The following ATF7IP2 variants were observed in gnomAD, a reference collection of about 807,000 sequenced individuals.
ATF7IP2 encodes the protein activating transcription factor 7-interacting protein 2.
ATF7IP2 carries 42 observed loss-of-function variants against 64.2 expected under a neutral mutation model. That is an observed-to-expected ratio of 0.65 (90% CI 0.51 to 0.85). ATF7IP2 has a LOEUF of 0.85. Ranked by LOEUF, ATF7IP2 falls within the 40% of genes least tolerant of loss-of-function variation. ATF7IP2 has a pLI of 0.00. For missense variants in ATF7IP2, 933 were observed against 784.2 expected (o/e 1.19, Z -2.27); for synonymous variants, 308 against 272.8 (o/e 1.13, Z -1.27).
At position 10,433,588 on chromosome 16, in the gene ATF7IP2, C is replaced by T. The variant is rs867732781; in HGVS notation, c.899C>T (p.Ser300Leu). 2 of 1,613,382 alleles carry T rather than the reference C, an allele frequency of 1.2e-6. No individual in the cohort carries two copies. The highest frequency in any genetic ancestry group is 1.1e-5 in the South Asian group (1 of 91,048). ...NEENVKRMKT[S>L]EQINENICVS... ...GAAAATGTTAAACGCATGAAAACTT[C>T]AGAGCAAATTAATGAAAATATTTGT... is the stretch of plus-strand genomic sequence containing the variant. Residue 300 changes from serine (S) to leucine (L), a missense_variant, in exon 6 of 14, where the codon TCA (serine) becomes TTA (leucine). By Grantham distance (145) the Ser-to-Leu change is moderately radical. Coordinates refer to ENST00000562102, the MANE Select transcript of ATF7IP2 (RefSeq NM_001393719.1).
At chr16:10,466,684 A>G (rs1009288908) in intron 9 of ATF7IP2, among the ~76,000 whole-genome samples, 2 of 151,966 alleles carry the variant, frequency 1.3e-5, no homozygotes, top group Admixed American at 1.3e-4. Context: ...TGTCTTTTCA[A>G]TTTTTTTGAC....
At chr16:10,471,371 T>C (rs942085593) in intron 9 of ATF7IP2, among the ~76,000 whole-genome samples, 1 of 151,934 alleles carries the variant, frequency 6.6e-6, no homozygotes, top group African/African-American at 2.4e-5. Context: ...CTACTAAAAA[T>C]AGAAAAATTA....
At chr16:10,434,796 T>G (rs1369956726) in intron 6 of ATF7IP2, among the ~76,000 whole-genome samples, 3 of 152,090 alleles carry the variant, frequency 2.0e-5, no homozygotes, top group Middle Eastern at 3.4e-3. Context: ...AGAAGTAAGT[T>G]TTTGTTTGTT....
intron 6 of ATF7IP2, among the ~76,000 whole-genome samples, chr16:10,435,526 G>T (rs951909330): frequency 2.6e-5 from 4 of 152,316 alleles, no homozygotes; most frequent in African/African-American, 7.2e-5. Flanking sequence ...TTTGATGGAG[G>T]TTATTGTGTC....
intron 9 of ATF7IP2, among the ~76,000 whole-genome samples, chr16:10,469,154 C>G (rs2049693972): frequency 1.3e-5 from 2 of 151,956 alleles, no homozygotes. Flanking sequence ...GACCTATCAA[C>G]AAGGAGAAGA....
chr16:10,430,009 A>G (rs1365508099), intron 4 of ATF7IP2, among the ~76,000 whole-genome samples: 3 of 151,854 alleles, frequency 2.0e-5, no homozygotes, highest in South Asian at 2.1e-4. Context: ...GCATGCCACC[A>G]TGCCTGGCTA....
At chr16:10,419,403 C>A (rs1469441718) in intron 2 of ATF7IP2, among the ~76,000 whole-genome samples, 178 bp from the exon 3 acceptor site, 4 of 152,140 alleles carry the variant, frequency 2.6e-5, no homozygotes, top group African/African-American at 7.2e-5. Flanking sequence ...TATACCTCCA[C>A]TGGGGGGTCC....
chr16:10,470,498 T>A (rs1338036353), intron 9 of ATF7IP2, among the ~76,000 whole-genome samples: 1 of 152,090 alleles, frequency 6.6e-6, no homozygotes, highest in Non-Finnish European at 1.5e-5. Flanking sequence ...GATTAAAAAC[T>A]TAAGGCCAGG....
intron 1 of ATF7IP2, among the ~76,000 whole-genome samples, chr16:10,394,403 T>C (rs372639429): frequency 6.6e-5 from 10 of 152,200 alleles, no homozygotes; most frequent in African/African-American, 2.4e-4. Flanking sequence ...ATTGACAGAA[T>C]TGAAGGAAGA....
chr16:10,426,209 A>C (rs962560813), intron 3 of ATF7IP2, among the ~76,000 whole-genome samples: 3 of 152,238 alleles, frequency 2.0e-5, no homozygotes, highest in Non-Finnish European at 4.4e-5. Context: ...ACCATCTCAA[A>C]GATCTGTGAG....
In ATF7IP2 at chr16:10,480,813, G is replaced by C. The variant is rs982577594; in HGVS notation, c.1550-66G>C. Reference sequence around the variant, plus strand: ...ATTACCACCAAAGATGTAAACTATAGCTTAAAGGCTATGGAATTGATTATT... The same window carrying C: ...ATTACCACCAAAGATGTAAACTATACCTTAAAGGCTATGGAATTGATTATT... On this transcript the variant is annotated intron_variant, in intron 12 of 13. Coordinates refer to ENST00000562102, the MANE Select transcript of ATF7IP2 (RefSeq NM_001393719.1). 7.5e-6 allele frequency: 8 copies of C among 1,072,906 alleles called. No individual in the cohort carries two copies. The East Asian group carries it at 1.7e-4, about 22-fold the overall frequency. 66.5% of individuals were successfully genotyped at this position (1,072,906 alleles called of 1,614,324 possible).
At chr16:10,458,975 CAGG>C (rs1306211836) in intron 9 of ATF7IP2, among the ~76,000 whole-genome samples, 1 of 151,066 alleles carries the variant, frequency 6.6e-6, no homozygotes, top group East Asian at 2.0e-4. Flanking sequence ...CACTTGAGGT[CAGG>C]AGTTTGAGAC....
At chr16:10,388,913 G>A (rs1219930709) in intron 1 of ATF7IP2, among the ~76,000 whole-genome samples, 1 of 152,062 alleles carries the variant, frequency 6.6e-6, no homozygotes, top group African/African-American at 2.4e-5. Context: ...TCGGGAAGCT[G>A]AGGCAGGAGA....
At chr16:10,462,705 G>T (rs1014449753) in intron 9 of ATF7IP2, among the ~76,000 whole-genome samples, 4 of 151,986 alleles carry the variant, frequency 2.6e-5, no homozygotes, top group Non-Finnish European at 5.9e-5. Context: ...TACTGATGGG[G>T]GCTTGTGGCC....
At chr16:10,416,303 G>A (rs1373408946) in intron 2 of ATF7IP2, among the ~76,000 whole-genome samples, 4 of 152,224 alleles carry the variant, frequency 2.6e-5, no homozygotes, top group African/African-American at 4.8e-5. Context: ...TTGCAACAAT[G>A]TGGATGGCTC....
At chr16:10,411,260 A>G (rs1056459499) in intron 1 of ATF7IP2, among the ~76,000 whole-genome samples, 1 of 151,128 alleles carries the variant, frequency 6.6e-6, no homozygotes, top group African/African-American at 2.4e-5. Context: ...CTCTTTCTCT[A>G]TCTTTTGGAA....
intron 11 of ATF7IP2, 83 bp downstream of exon 11, chr16:10,473,617 G>T: frequency 9.7e-7 from 1 of 1,033,412 alleles, no homozygotes; most frequent in Non-Finnish European, 1.5e-6. Context: ...CATGTTGGAT[G>T]ATTTAGTTTT....
intron 9 of ATF7IP2, 68 bp from the exon 10 acceptor site, chr16:10,472,042 C>G: frequency 2.8e-6 from 2 of 726,250 alleles, no homozygotes; most frequent in Non-Finnish European, 4.5e-6. Flanking sequence ...CTCCTAACCA[C>G]TAATTGCATG....
chr16:10,467,685 G>A (rs2142050924), intron 9 of ATF7IP2, among the ~76,000 whole-genome samples: 1 of 151,270 alleles, frequency 6.6e-6, no homozygotes, highest in East Asian at 2.0e-4. Flanking sequence ...TCCTGCCTCA[G>A]CCTCCTGAGT....
Sources: gnomAD v4.1 joint callset for allele counts (sites outside exome capture counted in the v4.1 genomes callset) on GRCh38, gnomAD v4.1.1 for gene constraint, MANE v1.5 for transcripts, NCBI Gene and HGNC (gene_info 2026-07-23, HGNC 2026-07-21) for gene names.